Variants in SDK1 observed in about 807,000 individuals in gnomAD.
The protein encoded by SDK1 is protein sidekick-1.
A neutral mutation model predicts 245.5 loss-of-function variants in SDK1; 157 were observed. The observed-to-expected ratio is 0.64, with a 90% CI of 0.56 to 0.73. The LOEUF (loss-of-function observed/expected upper bound fraction) is 0.73, where lower values mean the gene tolerates loss of function less well. Among genes scored for constraint, SDK1 ranks in the 30% least tolerant of loss-of-function variants. The probability of loss-of-function intolerance (pLI) is 0.00; values close to 1 mark genes in which losing one functional copy is unlikely to be tolerated. For synonymous variants in SDK1, 1,647 were observed against 1,278.5 expected, an observed-to-expected ratio of 1.29 and a Z score of -6.15; for missense variants, 3,583 against 3,002.3, an observed-to-expected ratio of 1.19 and a Z score of -4.52.
Position 3,598,968 on chromosome 7 carries a change from C to T in SDK1, c.299-20112C>T, listed in dbSNP as rs931127507. On this transcript the variant is annotated intron_variant, in intron 1 of 44. Transcript: ENST00000404826. ...TCTTCATTTCTTTGGGATAAATGCC[C>T]AAGAGAACAGTTGCTGGGTTGCATG... Among the ~76,000 whole-genome samples the T allele has an allele frequency of 2.0e-5, 3 of 151,996 alleles. No homozygotes were observed. In the South Asian group the frequency reaches 6.2e-4, roughly 31 times the overall value.
At chr7:3,908,756 G>A (rs1213457356) in intron 5 of SDK1, among the ~76,000 whole-genome samples, 3 of 151,960 alleles carry the variant, frequency 2.0e-5, no homozygotes, top group African/African-American at 7.3e-5. Context: ...TATTTTCCCT[G>A]TGTCTCCCGG....
At chr7:3,901,322 G>T (rs1376766914) in intron 5 of SDK1, among the ~76,000 whole-genome samples, 2 of 152,096 alleles carry the variant, frequency 1.3e-5, no homozygotes, top group Admixed American at 6.5e-5. Context: ...GAGTAGCTGG[G>T]ACTACAGGCA....
chr7:4,080,548 A>G (rs1780989525), intron 22 of SDK1, among the ~76,000 whole-genome samples: 1 of 152,158 alleles, frequency 6.6e-6, no homozygotes, highest in Admixed American at 6.6e-5. Context: ...ACCTCTTCAA[A>G]AGTTTCATTA....
chr7:3,407,602 G>C (rs944073327), intron 1 of SDK1, among the ~76,000 whole-genome samples: 5 of 152,106 alleles, frequency 3.3e-5, no homozygotes, highest in Non-Finnish European at 2.9e-5. Context: ...TAAGAAATTA[G>C]ACGTATTTTT....
At chr7:4,236,281 C>T (rs1213723323) in intron 41 of SDK1, among the ~76,000 whole-genome samples, 2 of 152,196 alleles carry the variant, frequency 1.3e-5, no homozygotes, top group African/African-American at 2.4e-5. Context: ...CATGGAAGGC[C>T]CTGAATGGGA....
chr7:3,803,365 C>T (rs568239597), intron 4 of SDK1, among the ~76,000 whole-genome samples: 2 of 150,672 alleles, frequency 1.3e-5, no homozygotes, highest in African/African-American at 4.9e-5. Context: ...GGCTGGAGTG[C>T]AGTGGTGTGA....
At chr7:3,573,668 C>T (rs1030853896) in intron 1 of SDK1, among the ~76,000 whole-genome samples, 5 of 151,964 alleles carry the variant, frequency 3.3e-5, no homozygotes, top group South Asian at 2.1e-4. Flanking sequence ...GGAGTTGAGT[C>T]GGTACTCCTG....
chr7:3,704,603 C>T (rs1369049584), intron 4 of SDK1, among the ~76,000 whole-genome samples: 4 of 152,050 alleles, frequency 2.6e-5, no homozygotes, highest in African/African-American at 9.7e-5. Flanking sequence ...TTGCTGGATT[C>T]ATAGTTTGCA....
chr7:3,584,815 C>T (rs754306173), intron 1 of SDK1, among the ~76,000 whole-genome samples: 19 of 151,958 alleles, frequency 1.3e-4, no homozygotes, highest in Admixed American at 3.9e-4. Context: ...GCTCCGCCTC[C>T]CGGGTTCACG....
chr7:4,147,498 G>A (rs1304020287), intron 29 of SDK1, among the ~76,000 whole-genome samples: 1 of 152,134 alleles, frequency 6.6e-6, no homozygotes, highest in Non-Finnish European at 1.5e-5. Flanking sequence ...CAGCTCCTGG[G>A]CTCAAGCGAT....
At chr7:3,643,750 C>G (rs941097645) in intron 4 of SDK1, 3 of 151,584 alleles carry the variant, frequency 2.0e-5, no homozygotes, top group African/African-American at 7.3e-5. Flanking sequence ...TTCCCTAAAC[C>G]TGGTGATTCT....
chr7:3,964,856 A>G (rs964762089), intron 9 of SDK1, among the ~76,000 whole-genome samples: 1 of 152,206 alleles, frequency 6.6e-6, no homozygotes, highest in African/African-American at 2.4e-5. Flanking sequence ...TGTTTCGGTG[A>G]ACTAGGGGTC....
intron 1 of SDK1, among the ~76,000 whole-genome samples, chr7:3,417,432 T>G (rs951682649): frequency 6.6e-6 from 1 of 152,140 alleles, no homozygotes; most frequent in African/African-American, 2.4e-5. Context: ...CTATGCTGTT[T>G]TCTCTGCTAA....
Position 3,773,448 on chromosome 7 carries a change from T to C in SDK1, c.714-48002T>C, listed in dbSNP as rs113708064. Among the ~76,000 whole-genome samples the C allele has an allele frequency of 6.5e-4, 99 of 152,282 alleles. 1 individual carries two copies. Among genetic ancestry groups the C allele is most frequent in the African/African-American group, 2.3e-3 (95 of 41,580 alleles). On this transcript the variant is annotated intron_variant, in intron 4 of 44. Transcript: ENST00000404826. ...TTTGTTCAAACGTTGTTTTCTTGGC[T>C]TTCTCCACATCTGCCTTTATTTCTT...
chr7:3,563,587 G>C (rs1017990727), intron 1 of SDK1, among the ~76,000 whole-genome samples: 4 of 152,210 alleles, frequency 2.6e-5, no homozygotes, highest in Admixed American at 1.3e-4. Flanking sequence ...ATTGCAGAGA[G>C]ACATCAACAG....
Position 4,233,244 on chromosome 7 carries a change from C to A in SDK1, c.5828-11C>A. The A allele has an allele frequency of 6.2e-7, 1 of 1,609,198 alleles. No individual in the cohort carries two copies. Among genetic ancestry groups the A allele is most frequent in the Non-Finnish European group, 8.5e-7 (1 of 1,176,736 alleles). ...CTAACCTCTGCTCTCGCCTCCCCAT[C>A]CCTCTTGCAGATGAAGGCTTATGGG... On this transcript the variant is annotated splice_polypyrimidine_tract_variant and intron_variant, in intron 40 of 44. Transcript: ENST00000404826.
chr7:4,121,647 C>A (rs1409934624), intron 25 of SDK1, among the ~76,000 whole-genome samples: 1 of 152,126 alleles, frequency 6.6e-6, no homozygotes, highest in African/African-American at 2.4e-5. Context: ...ATACATATGG[C>A]TAGAGGGGAA....
chr7:3,438,784 A>G (rs1182469322), intron 1 of SDK1, among the ~76,000 whole-genome samples: 1 of 151,732 alleles, frequency 6.6e-6, no homozygotes, highest in Non-Finnish European at 1.5e-5. Flanking sequence ...TTTATCCTGA[A>G]AAGTTTATAC....
Position 4,208,091 on chromosome 7 carries a change from C to T in SDK1, c.5215-8C>T, listed in dbSNP as rs772073281. 1 of 1,608,604 alleles carries T rather than the reference C, an allele frequency of 6.2e-7. No individual in the cohort carries two copies. Among genetic ancestry groups the T allele is most frequent in the Non-Finnish European group, 8.5e-7 (1 of 1,177,132 alleles). On this transcript the variant is annotated splice_region_variant and splice_polypyrimidine_tract_variant and intron_variant, in intron 36 of 44. Transcript: ENST00000404826. ...GGACCCACCCCAACCTCTTGCTGTTCCTAACAGATTTACTACTGGGAGGCA... is the reference window on the plus strand; with the variant it reads ...GGACCCACCCCAACCTCTTGCTGTTTCTAACAGATTTACTACTGGGAGGCA...
Sources: allele counts gnomAD v4.1 joint callset (sites outside exome capture counted in the v4.1 genomes callset), GRCh38; gene constraint gnomAD v4.1.1; transcripts MANE v1.5; gene names NCBI Gene and HGNC (gene_info 2026-07-23, HGNC 2026-07-21).